GRIN2B: variants seen among roughly 807,000 people sequenced by gnomAD.
GRIN2B encodes the protein glutamate ionotropic receptor NMDA type subunit 2B, also known as glutamate receptor ionotropic, NMDA 2B.
A neutral mutation model predicts 114.5 loss-of-function variants in GRIN2B; 5 were observed. That is an observed-to-expected ratio of 0.04 (90% confidence interval 0.02 to 0.09). The LOEUF (loss-of-function observed/expected upper bound fraction) is 0.09. Among genes scored for constraint, GRIN2B ranks in the 10% least tolerant of loss-of-function variants. The pLI is 1.00. For missense variants in GRIN2B, 1,108 were observed against 1,943.5 expected, an observed-to-expected ratio of 0.57 and a Z score of 8.08; for synonymous variants, 787 against 745.1, an observed-to-expected ratio of 1.06 and a Z score of -0.92.
chr12:13,773,548 G>A (rs896518187), intron 3 of GRIN2B, among the ~76,000 whole-genome samples: 6 of 152,272 alleles, frequency 3.9e-5, no homozygotes, highest in Non-Finnish European at 2.9e-5. Context: ...TTTTTCTCAG[G>A]AGGAGTAAAA....
In GRIN2B at chr12:13,560,745, A is replaced by G. The variant is rs954283379; in HGVS notation, c.*2038T>C. The stretch of plus-strand genomic sequence containing the variant: ...CCCATGTTCATTTTAGAAAGAAAAC[A>G]AAGCTTTACAAGGCCTTCAGTTGGC... On this transcript the variant is annotated 3_prime_UTR_variant, in exon 14 of 14. Coordinates refer to ENST00000609686, the MANE Select transcript of GRIN2B (RefSeq NM_000834.5). 1 of 152,288 alleles carries G rather than the reference A, an allele frequency of 6.6e-6. No individual in the cohort carries two copies. The highest frequency in any genetic ancestry group is 6.5e-5 in the Admixed American group (1 of 15,286). The allele number at this position is 152,288 out of a possible 1,614,324, so 9.4% of individuals were successfully genotyped here. A position where few individuals can be genotyped will look rare whatever the true frequency, so the allele number is the denominator to read the frequency against.
chr12:13,891,699 C>A (rs1290059618), intron 2 of GRIN2B, among the ~76,000 whole-genome samples: 3 of 152,102 alleles, frequency 2.0e-5, no homozygotes, highest in African/African-American at 2.4e-5. Flanking sequence ...AGACTGGCAA[C>A]TGCAAAATTG....
At chr12:13,580,126 G>A (rs1018417754) in intron 10 of GRIN2B, among the ~76,000 whole-genome samples, 8 of 152,170 alleles carry the variant, frequency 5.3e-5, no homozygotes, top group South Asian at 2.1e-4. Context: ...AGCAGTGGTC[G>A]TTCTGACCAC....
intron 2 of GRIN2B, among the ~76,000 whole-genome samples, chr12:13,877,311 A>G (rs991830230): frequency 6.6e-6 from 1 of 152,216 alleles, no homozygotes; most frequent in Non-Finnish European, 1.5e-5. Flanking sequence ...GCCAGTGTCA[A>G]TAGGGAACAA....
intron 5 of GRIN2B, among the ~76,000 whole-genome samples, chr12:13,665,843 GA>G (rs1490575990): frequency 6.6e-6 from 1 of 152,144 alleles, no homozygotes; most frequent in East Asian, 1.9e-4. Flanking sequence ...ATCCTATAGG[GA>G]AAATGGAATT....
intron 3 of GRIN2B, among the ~76,000 whole-genome samples, chr12:13,775,141 G>A (rs185509619): frequency 1.3e-3 from 200 of 152,200 alleles, no homozygotes; most frequent in Non-Finnish European, 1.5e-3. Flanking sequence ...CTGTCCCTTC[G>A]GCAGATATCT....
chr12:13,908,094 T>C (rs1017491931), intron 2 of GRIN2B, among the ~76,000 whole-genome samples: 1 of 152,188 alleles, frequency 6.6e-6, no homozygotes, highest in Non-Finnish European at 1.5e-5. Context: ...CTCTGCACTG[T>C]ATACTTTTTC....
intron 2 of GRIN2B, among the ~76,000 whole-genome samples, chr12:13,974,849 A>G (rs570223651): frequency 1.3e-5 from 2 of 152,344 alleles, no homozygotes; most frequent in South Asian, 4.1e-4. Context: ...AAAGCAAAAG[A>G]CATGAAAATA....
At chr12:13,738,438 A>G (rs943523679) in intron 4 of GRIN2B, among the ~76,000 whole-genome samples, 2 of 152,182 alleles carry the variant, frequency 1.3e-5, no homozygotes, top group Admixed American at 6.5e-5. Context: ...TTTGATGCTC[A>G]TGTTGCCAGT....
At chr12:13,935,504 A>G (rs976767239) in intron 2 of GRIN2B, among the ~76,000 whole-genome samples, 6 of 152,238 alleles carry the variant, frequency 3.9e-5, no homozygotes, top group African/African-American at 1.4e-4. Context: ...ATTTAAAAGC[A>G]TTAACTTGAT....
intron 4 of GRIN2B, among the ~76,000 whole-genome samples, chr12:13,738,150 G>C (rs201881911): frequency 0.015 from 1 of 66 alleles, no homozygotes. Flanking sequence ...CACTTACCCT[G>C]TGTGTCTTAT....
At chr12:13,976,051 A>G (rs867279125) in intron 2 of GRIN2B, among the ~76,000 whole-genome samples, 2 of 152,240 alleles carry the variant, frequency 1.3e-5, no homozygotes, top group African/African-American at 2.4e-5. Flanking sequence ...TCACAGCACA[A>G]TGGATTCTGT....
At position 13,554,008 on chromosome 12, in the gene GRIN2B, G is replaced by A. The variant is rs1057319408; in HGVS notation, c.*8775C>T. The A allele has an allele frequency of 6.6e-6, 1 of 152,164 alleles. No homozygotes were observed. The highest frequency in any genetic ancestry group is 2.4e-5 in the African/African-American group (1 of 41,442). 9.4% of individuals were successfully genotyped at this position (152,164 alleles called of 1,614,324 possible). A position where few individuals can be genotyped will look rare whatever the true frequency, so the allele number is the denominator to read the frequency against. On this transcript the variant is annotated 3_prime_UTR_variant, in exon 14 of 14. Coordinates refer to ENST00000609686, the MANE Select transcript of GRIN2B (RefSeq NM_000834.5). ...GTAGTATATACATGTGATTGTGTGT[G>A]CAGATATATATAGAGAAACTGGGGG...
At chr12:13,966,013 C>G (rs1867785032) in intron 2 of GRIN2B, among the ~76,000 whole-genome samples, 1 of 152,286 alleles carries the variant, frequency 6.6e-6, no homozygotes, top group African/African-American at 2.4e-5. Context: ...TCTCAAGGCA[C>G]CTGCAGAGGA....
intron 4 of GRIN2B, among the ~76,000 whole-genome samples, chr12:13,749,970 A>G (rs901784989): frequency 4.6e-5 from 7 of 152,228 alleles, no homozygotes; most frequent in Non-Finnish European, 8.8e-5. Flanking sequence ...GTGTATGGAC[A>G]AGGGAGACAT....
intron 3 of GRIN2B, among the ~76,000 whole-genome samples, chr12:13,800,705 T>A (rs775799509): frequency 2.6e-5 from 4 of 152,106 alleles, no homozygotes; most frequent in Non-Finnish European, 5.9e-5. Context: ...CCTGATTAAT[T>A]TTGCTTCTAT....
intron 4 of GRIN2B, among the ~76,000 whole-genome samples, chr12:13,712,216 C>A (rs1950420782): frequency 6.8e-6 from 1 of 146,010 alleles, no homozygotes; most frequent in Admixed American, 6.9e-5. Context: ...ACATCAAACA[C>A]CGGGGCCTGT....
chr12:13,539,527 AGGACTG>A lies in GRIN2B; in HGVS notation c.*23250_*23255del, dbSNP rs1948251736. ...AGAATCCATATATAAAGCCAGTAAC[AGGACTG>A]GGACTGGGAGTGGGGTGGGAAACAA... On this transcript the variant is annotated 3_prime_UTR_variant, in exon 14 of 14. Transcript: ENST00000609686. 1 of 152,240 alleles carries A rather than the reference AGGACTG, an allele frequency of 6.6e-6. No individual in the cohort carries two copies. The highest frequency in any genetic ancestry group is 2.4e-5 in the African/African-American group (1 of 41,466). The allele number at this position is 152,240 out of a possible 1,614,324, so 9.4% of individuals were successfully genotyped here.
chr12:13,681,783 A>G (rs1162892170), intron 4 of GRIN2B, among the ~76,000 whole-genome samples: 1 of 152,178 alleles, frequency 6.6e-6, no homozygotes, highest in Non-Finnish European at 1.5e-5. Context: ...AGTGAAGCAA[A>G]TTAACTTATC....
Sources: allele counts gnomAD v4.1 joint callset (sites outside exome capture counted in the v4.1 genomes callset), GRCh38; gene constraint gnomAD v4.1.1; transcripts MANE v1.5; gene names NCBI Gene and HGNC (gene_info 2026-07-23, HGNC 2026-07-21).